The following RERE variants were observed in gnomAD, a reference collection of about 807,000 sequenced individuals.
RERE encodes arginine-glutamic acid dipeptide repeats.
A neutral mutation model predicts 146.1 loss-of-function variants in RERE; 40 were observed. The observed-to-expected ratio is 0.27, with a 90% confidence interval of 0.21 to 0.36. The LOEUF (loss-of-function observed/expected upper bound fraction) is 0.36, where lower values mean the gene tolerates loss of function less well. Among genes scored for constraint, RERE ranks in the 10% least tolerant of loss-of-function variants. The pLI is 1.00. For missense variants in RERE, 1,933 were observed against 2,138.7 expected (o/e 0.90, Z 1.90); for synonymous variants, 1,003 against 866.0 (o/e 1.16, Z -2.78).
intron 11 of RERE, among the ~76,000 whole-genome samples, chr1:8,458,268 T>C (rs1032707879): frequency 1.3e-5 from 2 of 152,168 alleles, no homozygotes; most frequent in Non-Finnish European, 2.9e-5. Flanking sequence ...AGAAAGATGA[T>C]AGAGAGTGGC....
chr1:8,581,299 T>C (rs183121353), intron 4 of RERE, among the ~76,000 whole-genome samples: 1 of 152,350 alleles, frequency 6.6e-6, no homozygotes, highest in East Asian at 1.9e-4. Flanking sequence ...TAAGACTCTG[T>C]CAATTTTAAA....
chr1:8,797,485 T>C (rs1557549023), intron 1 of RERE, among the ~76,000 whole-genome samples: 2 of 152,182 alleles, frequency 1.3e-5, no homozygotes, highest in Non-Finnish European at 2.9e-5. Context: ...ACATATGCTT[T>C]AGTAGACATA....
At chr1:8,632,716 C>G (rs1037503136) in intron 2 of RERE, among the ~76,000 whole-genome samples, 4 of 152,158 alleles carry the variant, frequency 2.6e-5, no homozygotes, top group African/African-American at 9.6e-5. Flanking sequence ...AATTATTTTC[C>G]TGTACTTCAC....
chr1:8,758,391 T>G (rs577564135), intron 1 of RERE, among the ~76,000 whole-genome samples: 27 of 149,566 alleles, frequency 1.8e-4, no homozygotes, highest in Admixed American at 3.3e-4. Context: ...CTCAATCTTT[T>G]TTTTTTTTTT....
At chr1:8,568,475 G>C (rs1265243805) in intron 4 of RERE, among the ~76,000 whole-genome samples, 2 of 152,214 alleles carry the variant, frequency 1.3e-5, no homozygotes, top group Non-Finnish European at 1.5e-5. Context: ...CCTTTAAGAG[G>C]TGATTAGATC....
intron 1 of RERE, among the ~76,000 whole-genome samples, chr1:8,699,711 T>C (rs1639407200): frequency 6.6e-6 from 1 of 152,232 alleles, no homozygotes; most frequent in African/African-American, 2.4e-5. Context: ...AAACATTTTC[T>C]ATATAAGTTA....
chr1:8,433,619 G>A (rs907918779), intron 11 of RERE, among the ~76,000 whole-genome samples: 5 of 148,738 alleles, frequency 3.4e-5, no homozygotes, highest in African/African-American at 1.3e-4. Flanking sequence ...GGACTGCAGT[G>A]GCGCAATCTC....
chr1:8,355,549 C>A lies in RERE; in HGVS notation c.4537G>T (p.Ala1513Ser). ...TGCATGGCCTGCAGCTGGTGGGCTG[C>A]TGACATGGGGGGTGGGATGGCCCCA... Reference protein sequence around the residue: ...LPGAIPPPMSAAHQLQAMHAQ... With the variant: ...LPGAIPPPMSSAHQLQAMHAQ... The change falls in exon 22 of 23, where the codon GCA becomes TCA. Residue 1513 changes from alanine (A) to serine (S), a missense_variant. Physicochemically the swap from Ala to Ser is moderately conservative, Grantham distance 99. Coordinates refer to ENST00000400908, the MANE Select transcript of RERE (RefSeq NM_001042681.2). 1 of 1,602,344 alleles carries A rather than the reference C, an allele frequency of 6.2e-7. No individual in the cohort carries two copies. The highest frequency in any genetic ancestry group is 8.5e-7 in the Non-Finnish European group (1 of 1,172,784).
chr1:8,689,578 CT>C (rs1012518600), intron 1 of RERE, among the ~76,000 whole-genome samples: 5 of 152,198 alleles, frequency 3.3e-5, no homozygotes, highest in African/African-American at 1.2e-4. Flanking sequence ...TATTTTTTCC[CT>C]GAGACAGGAA....
At chr1:8,433,236 C>G (rs1384309070) in intron 11 of RERE, among the ~76,000 whole-genome samples, 1 of 152,136 alleles carries the variant, frequency 6.6e-6, no homozygotes, top group Non-Finnish European at 1.5e-5. Flanking sequence ...TTTCTATGTC[C>G]CTGGTTCTCT....
At chr1:8,709,210 G>A (rs557468875) in intron 1 of RERE, among the ~76,000 whole-genome samples, 2 of 151,816 alleles carry the variant, frequency 1.3e-5, no homozygotes, top group African/African-American at 4.8e-5. Context: ...GTGAGCCACC[G>A]TGCCCGGCAA....
At chr1:8,471,468 A>G (rs1189528350) in intron 10 of RERE, among the ~76,000 whole-genome samples, 4 of 149,704 alleles carry the variant, frequency 2.7e-5, no homozygotes, top group Non-Finnish European at 4.4e-5. Context: ...ACCATGCCTA[A>G]CTTTTGTATT....
chr1:8,394,733 AC>A (rs1642995073), intron 12 of RERE, among the ~76,000 whole-genome samples: 1 of 152,162 alleles, frequency 6.6e-6, no homozygotes, highest in African/African-American at 2.4e-5. Flanking sequence ...GAAGACTGTT[AC>A]CCCAAGGAAA....
intron 1 of RERE, among the ~76,000 whole-genome samples, chr1:8,712,754 G>T (rs556182194): frequency 3.3e-4 from 50 of 151,568 alleles, no homozygotes; most frequent in African/African-American, 1.1e-3. Flanking sequence ...TATACTCAAG[G>T]GCTTTAGAAA....
intron 3 of RERE, among the ~76,000 whole-genome samples, chr1:8,615,027 A>C (rs1323366242): frequency 6.6e-6 from 1 of 152,254 alleles, no homozygotes; most frequent in East Asian, 1.9e-4. Flanking sequence ...TAATAAAAAC[A>C]GAAATGCAAT....
chr1:8,470,991 A>G (rs1290724066), intron 10 of RERE, among the ~76,000 whole-genome samples: 1 of 150,530 alleles, frequency 6.6e-6, no homozygotes, highest in Non-Finnish European at 1.5e-5. Context: ...TAATTTTTGT[A>G]TTTTTAGTAG....
chr1:8,587,196 A>G (rs1395408750), intron 4 of RERE, among the ~76,000 whole-genome samples: 1 of 152,212 alleles, frequency 6.6e-6, no homozygotes, highest in Non-Finnish European at 1.5e-5. Flanking sequence ...GGAAAAGTTT[A>G]AGCACAGGCT....
intron 11 of RERE, among the ~76,000 whole-genome samples, chr1:8,452,266 G>A (rs1441042984): frequency 2.0e-5 from 3 of 152,134 alleles, no homozygotes; most frequent in Non-Finnish European, 2.9e-5. Flanking sequence ...AGCAAAAGAG[G>A]CACTCAAAAC....
At chr1:8,358,058 G>A (rs1243916435) in intron 20 of RERE, 138 bp downstream of exon 20, 3 of 1,426,478 alleles carry the variant, frequency 2.1e-6, no homozygotes, top group East Asian at 4.7e-5. Context: ...AGTGGATGCT[G>A]AGCTCTTCTA....
Sources: gnomAD v4.1 joint callset for allele counts (sites outside exome capture counted in the v4.1 genomes callset) on GRCh38, gnomAD v4.1.1 for gene constraint, MANE v1.5 for transcripts, NCBI Gene and HGNC (gene_info 2026-07-23, HGNC 2026-07-21) for gene names.